The following SLC9A8 variants were observed in gnomAD, a reference collection of about 807,000 sequenced individuals.
SLC9A8 encodes solute carrier family 9 member A8.
Under a neutral mutation model 66.6 loss-of-function variants are expected in SLC9A8, and 48 were observed. The ratio of observed to expected loss-of-function variants is 0.72; its 90% CI spans 0.57 to 0.92. The LOEUF (loss-of-function observed/expected upper bound fraction) is 0.92, where lower values mean the gene tolerates loss of function less well. SLC9A8 is among the 40% of genes least tolerant of loss of function. The probability of loss-of-function intolerance (pLI) is 0.00; values close to 1 mark genes in which losing one functional copy is unlikely to be tolerated. For missense variants in SLC9A8, 599 were observed against 747.3 expected (o/e 0.80, Z 2.31); for synonymous variants, 274 against 282.6 (o/e 0.97, Z 0.31).
chr20:49,822,792 A>G (rs1257747010), intron 2 of SLC9A8, among the ~76,000 whole-genome samples: 1 of 152,248 alleles, frequency 6.6e-6, no homozygotes, highest in African/African-American at 2.4e-5. Context: ...GTCTCAAAAA[A>G]GTTAGATTTC....
At chr20:49,817,418 A>T (rs919512279) in intron 2 of SLC9A8, among the ~76,000 whole-genome samples, 2 of 150,874 alleles carry the variant, frequency 1.3e-5, no homozygotes, top group Admixed American at 6.6e-5. Flanking sequence ...ACTCCTAATG[A>T]GATTAGGTCT....
At chr20:49,832,304 G>C (rs747456434) in intron 3 of SLC9A8, among the ~76,000 whole-genome samples, 2 of 152,118 alleles carry the variant, frequency 1.3e-5, no homozygotes, top group African/African-American at 2.4e-5. Context: ...CATGGTCTTC[G>C]GTGCTTCCAG....
chr20:49,857,892 G>T (rs73271135), intron 8 of SLC9A8, among the ~76,000 whole-genome samples: 2,116 of 152,158 alleles, frequency 0.014, 46 homozygotes, highest in African/African-American at 0.048. Context: ...CTGCCTGATG[G>T]CAAGAGGTGC....
chr20:49,848,543 A>G lies in SLC9A8; in HGVS notation c.433-1036A>G, dbSNP rs186767278. The stretch of plus-strand genomic sequence containing the variant: ...AACAAGATTCTTGTTCACAACCACA[A>G]TCGGGGGTGATCAAAGACTCTTGGT... On this transcript the variant is annotated intron_variant, in intron 5 of 15. Transcript: ENST00000361573. 8.1e-4 allele frequency among the ~76,000 whole-genome samples: 123 copies of G among 152,278 alleles called. No individual in the cohort carries two copies. In the Middle Eastern group the frequency reaches 0.014, roughly 17 times the overall value.
intron 10 of SLC9A8, among the ~76,000 whole-genome samples, chr20:49,868,509 G>C (rs2089067143): frequency 6.6e-6 from 1 of 152,200 alleles, no homozygotes; most frequent in Non-Finnish European, 1.5e-5. Context: ...CCCTTTTCCT[G>C]ACTATCACAA....
intron 4 of SLC9A8, among the ~76,000 whole-genome samples, chr20:49,844,619 TAAAAAAAAAAAAAAAAA>T (rs35043669): frequency 0.56 from 59,859 of 107,046 alleles, 14,567 homozygotes; most frequent in African/African-American, 0.67. Flanking sequence ...CCCTGTATCT[TAAAAAAAAAAAAAAAAA>T]AAAAAAAAAA....
chr20:49,820,699 CCACACCCTG>C (rs771710284), intron 2 of SLC9A8, among the ~76,000 whole-genome samples: 65 of 151,780 alleles, frequency 4.3e-4, no homozygotes, highest in Non-Finnish European at 7.9e-4. Context: ...GTGCGCACCA[CCACACCCTG>C]CTAATTTTTG....
chr20:49,884,289 G>GAC lies in SLC9A8; in HGVS notation c.1491+270_1491+271dup, dbSNP rs1176516884. ...ACACACACACGACACACACACACAC[G>GAC]ACACACACACACACACACACACACA... On this transcript the variant is annotated intron_variant, in intron 14 of 15. Transcript: ENST00000361573. 255 of 38,726 alleles carry GAC rather than the reference G, an allele frequency of 6.6e-3. 7 individuals are homozygous for GAC. The highest frequency in any genetic ancestry group is 0.011 in the Non-Finnish European group (202 of 18,936). The allele number at this position is 38,726 out of a possible 1,614,324, so 2.4% of individuals were successfully genotyped here.
intron 3 of SLC9A8, chr20:49,830,625 G>T (rs771142803): frequency 4.8e-6 from 3 of 619,082 alleles, no homozygotes; most frequent in Non-Finnish European, 8.8e-6. Context: ...CAGAATGTTG[G>T]TGATCTTAGC....
intron 10 of SLC9A8, among the ~76,000 whole-genome samples, chr20:49,866,079 T>C (rs1311259530): frequency 2.0e-5 from 3 of 152,224 alleles, no homozygotes; most frequent in African/African-American, 7.2e-5. Context: ...CATATTCTTA[T>C]CGCCCAGTGT....
At chr20:49,864,140 A>G (rs2088865821) in intron 9 of SLC9A8, among the ~76,000 whole-genome samples, 1 of 152,160 alleles carries the variant, frequency 6.6e-6, no homozygotes, top group Admixed American at 6.5e-5. Context: ...CAGTATAGGC[A>G]TTGTGAATGA....
At position 49,823,066 on chromosome 20, in the gene SLC9A8, T is replaced by C; in HGVS notation, c.214T>C (p.Cys72Arg). ...IFFSLLVLAI[C>R]IILVHLLIRY... ...TATTATTTTTTTTTCCACAGCTATCTGCATCATATTGGTGCATTTACTGAT... is the reference window on the plus strand; with the variant it reads ...TATTATTTTTTTTTCCACAGCTATCCGCATCATATTGGTGCATTTACTGAT... The change falls in exon 3 of 16, where the codon TGC (cysteine) becomes CGC (arginine). Residue 72 changes from cysteine to arginine, a missense_variant. Cys to Arg is a radical substitution (Grantham distance 180). Around this residue, in one of 2 missense-constraint regions of SLC9A8, gnomAD observed 132 missense variants for 120.9 expected, o/e 1.09. Coordinates refer to ENST00000361573, the MANE Select transcript of SLC9A8 (RefSeq NM_015266.3). 6.2e-7 allele frequency: 1 copy of C among 1,610,684 alleles called. No homozygotes were observed. The highest frequency in any genetic ancestry group is 8.5e-7 in the Non-Finnish European group (1 of 1,177,434).
In SLC9A8 at chr20:49,888,146, G is replaced by A. The variant is rs1008035055; in HGVS notation, c.*210G>A. ...ACTTCTTGGGAAACTGTCATCTCCC[G>A]ACTCCTCCCTGAGCCAGCCTCCGCT... On this transcript the variant is annotated 3_prime_UTR_variant, in exon 16 of 16. Transcript: ENST00000361573. 3.2e-5 allele frequency: 16 copies of A among 499,460 alleles called. No homozygotes were observed. Among genetic ancestry groups the A allele is most frequent in the Non-Finnish European group, 4.4e-5 (12 of 273,720 alleles). 30.9% of individuals were successfully genotyped at this position (499,460 alleles called of 1,614,324 possible).
intron 2 of SLC9A8, among the ~76,000 whole-genome samples, chr20:49,820,992 C>T (rs941865948): frequency 3.3e-5 from 5 of 152,066 alleles, no homozygotes; most frequent in African/African-American, 9.7e-5. Flanking sequence ...TGTCTCTTGG[C>T]TGTTGAGTTT....
chr20:49,822,241 C>T (rs1473973944), intron 2 of SLC9A8, among the ~76,000 whole-genome samples: 2 of 152,194 alleles, frequency 1.3e-5, no homozygotes, highest in South Asian at 2.1e-4. Context: ...AAACCATTTA[C>T]TTTTTCCTGT....
At chr20:49,878,088 A>G in intron 12 of SLC9A8, 25 bp downstream of exon 12, 2 of 1,311,568 alleles carry the variant, frequency 1.5e-6, no homozygotes, top group Admixed American at 2.3e-5. Context: ...TTTTTTTTTT[A>G]AATTTAATTA....
Position 49,884,269 on chromosome 20 carries a change from CACACG to C in SLC9A8, c.1491+208_1491+212del, listed in dbSNP as rs1385326850. The C allele has an allele frequency of 6.1e-5, 19 of 313,096 alleles. 1 individual carries two copies. Among genetic ancestry groups the C allele is most frequent in the African/African-American group, 9.7e-5 (2 of 20,518 alleles). 19.4% of individuals were successfully genotyped at this position (313,096 alleles called of 1,614,324 possible). ...CACACACACACACACGACACACACA[CACACG>C]ACACACACACACACGACACACACAC... On this transcript the variant is annotated intron_variant, in intron 14 of 15. Coordinates refer to ENST00000361573, the MANE Select transcript of SLC9A8 (RefSeq NM_015266.3).
chr20:49,849,749 G>C, intron 6 of SLC9A8, 69 bp downstream of exon 6: 3 of 1,216,168 alleles, frequency 2.5e-6, no homozygotes, highest in Non-Finnish European at 3.6e-6. Context: ...GAGGTGGGAA[G>C]GTGAAATGGG....
At chr20:49,855,362 C>G in intron 7 of SLC9A8, 76 bp from the exon 8 acceptor site, 1 of 1,431,362 alleles carries the variant, frequency 7.0e-7, no homozygotes, top group Non-Finnish European at 9.8e-7. Context: ...TAAATATGGC[C>G]TTTGACTTTA....
Sources: gnomAD v4.1 joint callset for allele counts (sites outside exome capture counted in the v4.1 genomes callset) on GRCh38, gnomAD v4.1.1 for gene constraint, gnomAD v4.1.1 regional missense constraint, MANE v1.5 for transcripts, NCBI Gene and HGNC (gene_info 2026-07-23, HGNC 2026-07-21) for gene names.